The following TNRC6A variants were observed in gnomAD, a reference collection of about 807,000 sequenced individuals.
TNRC6A encodes trinucleotide repeat-containing gene 6A protein.
Under a neutral mutation model 221.2 loss-of-function variants are expected in TNRC6A, and 44 were observed. The observed-to-expected ratio is 0.20, with a 90% confidence interval of 0.16 to 0.26. The LOEUF (loss-of-function observed/expected upper bound fraction) is 0.26. TNRC6A is among the 10% of genes least tolerant of loss of function. The probability of loss-of-function intolerance (pLI) is 1.00; values close to 1 mark genes in which losing one functional copy is unlikely to be tolerated. For synonymous variants in TNRC6A, 847 were observed against 838.5 expected (o/e 1.01, Z -0.18); for missense variants, 2,199 against 2,404.4 (o/e 0.91, Z 1.79).
chr16:24,803,049 C>G (rs2058360356), intron 11 of TNRC6A, among the ~76,000 whole-genome samples: 1 of 152,052 alleles, frequency 6.6e-6, no homozygotes, highest in Non-Finnish European at 1.5e-5. Context: ...AAGATGTTAC[C>G]CTGTCTGGTG....
At chr16:24,781,488 C>T (rs895072103) in intron 5 of TNRC6A, among the ~76,000 whole-genome samples, 6 of 152,178 alleles carry the variant, frequency 3.9e-5, no homozygotes, top group Non-Finnish European at 7.3e-5. Context: ...CTTCTGCTCA[C>T]TTGACTAAAA....
At chr16:24,799,768 G>A (rs985201543) in intron 11 of TNRC6A, among the ~76,000 whole-genome samples, 7 of 152,114 alleles carry the variant, frequency 4.6e-5, no homozygotes, top group African/African-American at 1.7e-4. Flanking sequence ...TCACTTTCAG[G>A]TTGAACCTCA....
intron 17 of TNRC6A, among the ~76,000 whole-genome samples, chr16:24,807,190 AT>A (rs1476503360): frequency 3.3e-5 from 5 of 151,806 alleles, no homozygotes; most frequent in South Asian, 4.2e-4. Flanking sequence ...ATTTTAATAG[AT>A]TTGGGGTTTC....
chr16:24,610,649 G>A (rs1388734692), intron 1 of TNRC6A, among the ~76,000 whole-genome samples: 1 of 152,156 alleles, frequency 6.6e-6, no homozygotes, highest in African/African-American at 2.4e-5. Context: ...TTCCTAAGGA[G>A]CAGCGCTGCG....
At chr16:24,817,141 C>T (rs951220463) in intron 20 of TNRC6A, among the ~76,000 whole-genome samples, 185 bp downstream of exon 20, 13 of 152,014 alleles carry the variant, frequency 8.6e-5, no homozygotes, top group African/African-American at 2.7e-4. Context: ...AGAAAGAAAA[C>T]GAAGAAGAAG....
At chr16:24,662,029 C>G (rs1024924228) in intron 2 of TNRC6A, 4 of 152,116 alleles carry the variant, frequency 2.6e-5, no homozygotes, top group African/African-American at 2.4e-5. Context: ...CCACTGCACT[C>G]CAACCTGGGC....
intron 2 of TNRC6A, among the ~76,000 whole-genome samples, chr16:24,658,192 C>A (rs1045068994): frequency 2.0e-5 from 3 of 152,052 alleles, no homozygotes; most frequent in Non-Finnish European, 4.4e-5. Flanking sequence ...TTTGTTTCTG[C>A]TTGCTGTTTT....
chr16:24,676,652 C>T (rs1181336601), intron 2 of TNRC6A, among the ~76,000 whole-genome samples: 1 of 152,056 alleles, frequency 6.6e-6, no homozygotes, highest in Non-Finnish European at 1.5e-5. Flanking sequence ...CAAGGTCTTG[C>T]CATGTTGCTC....
Position 24,777,120 on chromosome 16 carries a change from GCAGCAGCAGCAGCCA to G in TNRC6A, c.362_376del (p.Gln121_Gln125del), listed in dbSNP as rs1475568657. ...CACAGCAGCAGCCACAGCCGCAGCC[GCAGCAGCAGCAGCCA>G]CAGCAGCAGCCACAGGCCTTGCCTC... On this transcript the variant is annotated inframe_deletion, in exon 5 of 25. Coordinates refer to ENST00000395799, the MANE Select transcript of TNRC6A (RefSeq NM_014494.4). 15 of 1,596,462 alleles carry G rather than the reference GCAGCAGCAGCAGCCA, an allele frequency of 9.4e-6. No individual in the cohort carries two copies. Among genetic ancestry groups the G allele is most frequent in the Admixed American group, 1.7e-5 (1 of 59,106 alleles).
chr16:24,677,573 G>C (rs2055444752), intron 2 of TNRC6A, among the ~76,000 whole-genome samples: 1 of 152,182 alleles, frequency 6.6e-6, no homozygotes, highest in East Asian at 1.9e-4. Flanking sequence ...CTCACCGCCT[G>C]CAATCAGTCA....
chr16:24,706,227 A>G (rs1278028497), intron 2 of TNRC6A, among the ~76,000 whole-genome samples: 2 of 152,176 alleles, frequency 1.3e-5, no homozygotes, highest in African/African-American at 4.8e-5. Context: ...ATTAAACTTA[A>G]CCTTTAATTT....
At chr16:24,763,521 C>T (rs1395900232) in intron 4 of TNRC6A, among the ~76,000 whole-genome samples, 3 of 152,184 alleles carry the variant, frequency 2.0e-5, no homozygotes, top group Non-Finnish European at 2.9e-5. Flanking sequence ...GTCATCACTG[C>T]CAGTATCATC....
intron 2 of TNRC6A, among the ~76,000 whole-genome samples, chr16:24,643,077 T>TAAC (rs1902048191): frequency 7.2e-6 from 1 of 139,614 alleles, no homozygotes; most frequent in Non-Finnish European, 1.5e-5. Context: ...ATTATATATA[T>TAAC]ATTATATATA....
At chr16:24,626,630 G>GT (rs1212613393) in intron 1 of TNRC6A, among the ~76,000 whole-genome samples, 3 of 147,556 alleles carry the variant, frequency 2.0e-5, no homozygotes, top group South Asian at 2.1e-4. Flanking sequence ...GTTTTACCAA[G>GT]TTTTTTTAGA....
chr16:24,781,560 C>G (rs1158488052), intron 5 of TNRC6A, among the ~76,000 whole-genome samples: 1 of 152,140 alleles, frequency 6.6e-6, no homozygotes, highest in Non-Finnish European at 1.5e-5. Context: ...TTGTTCCCTC[C>G]CAAGGCTTTG....
rs779143202 is a variant in TNRC6A, at chr16:24,789,505, G to T, written c.863G>T (p.Gly288Val). ...GEKDGLRNST[G>V]LGSQNKFVVG... Reference sequence around the variant, plus strand: ...AAAGATGGCCTTCGGAATAGCACTGGACTTGGTTCCCAAAACAAGTTTGTA... The same window carrying T: ...AAAGATGGCCTTCGGAATAGCACTGTACTTGGTTCCCAAAACAAGTTTGTA... Residue 288 changes from glycine (G) to valine (V), a missense_variant, in exon 6 of 25, where the codon GGA becomes GTA. By Grantham distance (109) the Gly-to-Val change is moderately radical (BLOSUM62 -3). This residue lies in a region of TNRC6A where 1,405 missense variants were observed against 1,400.2 expected (regional missense o/e 1.00). Transcript: ENST00000395799. 6.2e-7 allele frequency: 1 copy of T among 1,614,170 alleles called. No individual in the cohort carries two copies. The highest frequency in any genetic ancestry group is 1.7e-5 in the Admixed American group (1 of 60,014).
At chr16:24,657,307 G>C (rs1339069327) in intron 2 of TNRC6A, among the ~76,000 whole-genome samples, 5 of 98,922 alleles carry the variant, frequency 5.1e-5, no homozygotes, top group African/African-American at 2.0e-4. Flanking sequence ...AACAGAGTGA[G>C]ACCCTATCTC....
intron 2 of TNRC6A, among the ~76,000 whole-genome samples, chr16:24,678,309 T>TAA (rs2055460825): frequency 8.2e-6 from 1 of 121,428 alleles, no homozygotes; most frequent in African/African-American, 3.7e-5. Flanking sequence ...AGACCCTGTC[T>TAA]CAAAAAAAAA....
chr16:24,631,164 AT>A (rs1391659852), intron 1 of TNRC6A, among the ~76,000 whole-genome samples: 1 of 152,188 alleles, frequency 6.6e-6, no homozygotes, highest in East Asian at 1.9e-4. Context: ...GATAACATCT[AT>A]TTTATTTAGC....
Sources: gnomAD v4.1 joint callset for allele counts (sites outside exome capture counted in the v4.1 genomes callset) on GRCh38, gnomAD v4.1.1 for gene constraint, gnomAD v4.1.1 regional missense constraint, MANE v1.5 for transcripts, NCBI Gene and HGNC (gene_info 2026-07-23, HGNC 2026-07-21) for gene names.